Variants in RNF182 observed in about 807,000 individuals in gnomAD.
RNF182 encodes ring finger protein 182.
In RNF182, 15 loss-of-function variants were observed where a neutral mutation model predicts 14.4. The observed-to-expected ratio is 1.04, with a 90% CI of 0.70 to 1.60. The LOEUF is 1.60. Ranked by LOEUF, RNF182 falls within the 40% of genes most tolerant of loss-of-function variation. The pLI is 0.00. For synonymous variants in RNF182, 128 were observed against 122.9 expected (o/e 1.04, Z -0.27); for missense variants, 268 against 294.8 (o/e 0.91, Z 0.67).
At chr6:13,928,653 T>C (rs1758891670) in intron 1 of RNF182, among the ~76,000 whole-genome samples, 1 of 152,248 alleles carries the variant, frequency 6.6e-6, no homozygotes, top group Non-Finnish European at 1.5e-5. Flanking sequence ...AGACATGGTT[T>C]GTTGGATAGT....
intron 1 of RNF182, among the ~76,000 whole-genome samples, chr6:13,932,758 G>A (rs1338687792): frequency 6.6e-6 from 1 of 152,018 alleles, no homozygotes; most frequent in Non-Finnish European, 1.5e-5. Flanking sequence ...TCTTTTAAAC[G>A]TTAAAAACAT....
chr6:13,943,278 C>T (rs983909965), intron 1 of RNF182, among the ~76,000 whole-genome samples: 6 of 151,104 alleles, frequency 4.0e-5, no homozygotes, highest in Non-Finnish European at 8.8e-5. Flanking sequence ...AGAGGTGGTT[C>T]CTGCTTTTTT....
At chr6:13,954,553 TTTAAA>T (rs1187178333) in intron 1 of RNF182, among the ~76,000 whole-genome samples, 2 of 152,206 alleles carry the variant, frequency 1.3e-5, no homozygotes, top group Non-Finnish European at 2.9e-5. Flanking sequence ...TAAATTTAAA[TTTAAA>T]TTAAATTAAA....
chr6:13,969,886 A>G (rs562010158), intron 1 of RNF182, among the ~76,000 whole-genome samples: 74 of 152,194 alleles, frequency 4.9e-4, no homozygotes, highest in Non-Finnish European at 9.9e-4. Context: ...GGAAAAGAAA[A>G]CTTTGTATTT....
chr6:13,934,376 T>G (rs1759052497), intron 1 of RNF182, among the ~76,000 whole-genome samples: 1 of 152,230 alleles, frequency 6.6e-6, no homozygotes, highest in Non-Finnish European at 1.5e-5. Context: ...TCTCCTTTCA[T>G]TCTGTTGGAT....
intron 1 of RNF182, among the ~76,000 whole-genome samples, chr6:13,941,466 C>T (rs1043842412): frequency 6.6e-6 from 1 of 152,048 alleles, no homozygotes; most frequent in Non-Finnish European, 1.5e-5. Context: ...CCGCATATAG[C>T]TGGCTTTTGT....
intron 1 of RNF182, among the ~76,000 whole-genome samples, chr6:13,932,985 T>G (rs1373210986): frequency 6.6e-6 from 1 of 152,166 alleles, no homozygotes; most frequent in Middle Eastern, 3.2e-3. Context: ...CCATATTGAT[T>G]TGAAATTGCT....
intron 1 of RNF182, chr6:13,961,432 C>G (rs913082452): frequency 6.6e-6 from 1 of 152,172 alleles, no homozygotes; most frequent in South Asian, 2.1e-4. Context: ...AGAGCCAGGT[C>G]CCAAATCTCG....
At chr6:13,936,931 G>C (rs1759124577) in intron 1 of RNF182, among the ~76,000 whole-genome samples, 3 of 152,150 alleles carry the variant, frequency 2.0e-5, no homozygotes, top group South Asian at 2.1e-4. Context: ...AATTGGGGAG[G>C]GGGTGGAGTG....
intron 1 of RNF182, among the ~76,000 whole-genome samples, chr6:13,934,908 C>T (rs1165849815): frequency 6.6e-6 from 1 of 152,094 alleles, no homozygotes. Context: ...AGTGCAAAGG[C>T]CCTGAGGCAG....
At chr6:13,945,900 A>G (rs928394401) in intron 1 of RNF182, among the ~76,000 whole-genome samples, 1 of 152,166 alleles carries the variant, frequency 6.6e-6, no homozygotes, top group African/African-American at 2.4e-5. Context: ...TCCACAGAGT[A>G]AAGTGAAAAC....
intron 1 of RNF182, among the ~76,000 whole-genome samples, chr6:13,955,205 A>G (rs1561782750): frequency 6.6e-6 from 1 of 152,226 alleles, no homozygotes; most frequent in Non-Finnish European, 1.5e-5. Context: ...GGGTACAACT[A>G]CGTGCCCATA....
chr6:13,945,855 T>A (rs1344062313), intron 1 of RNF182, among the ~76,000 whole-genome samples: 1 of 152,150 alleles, frequency 6.6e-6, no homozygotes, highest in African/African-American at 2.4e-5. Flanking sequence ...AAGAGAGGGT[T>A]CTTGGATCTT....
Position 13,979,687 on chromosome 6 carries a change from G to A in RNF182, c.*1824G>A, listed in dbSNP as rs1760441974. On this transcript the variant is annotated 3_prime_UTR_variant, in exon 3 of 3. Transcript: ENST00000488300. ...TTTTGTGGTTTGGATTTATATATTT[G>A]TAAGGTTTTTTTAAAAAAATGTTCG... 6.0e-6 allele frequency: 1 copy of A among 166,682 alleles called. No homozygotes were observed. Among genetic ancestry groups the A allele is most frequent in the African/African-American group, 2.4e-5 (1 of 41,416 alleles). 10.3% of individuals were successfully genotyped at this position (166,682 alleles called of 1,614,324 possible).
intron 1 of RNF182, among the ~76,000 whole-genome samples, chr6:13,962,344 G>A (rs1157587155): frequency 6.6e-6 from 1 of 152,192 alleles, no homozygotes; most frequent in East Asian, 1.9e-4. Flanking sequence ...TGGCAAGCAT[G>A]TGTACTTTAT....
intron 1 of RNF182, among the ~76,000 whole-genome samples, chr6:13,967,193 C>T (rs1332356026): frequency 2.6e-5 from 4 of 151,976 alleles, no homozygotes; most frequent in Non-Finnish European, 5.9e-5. Context: ...TGAAAGGATG[C>T]ACATACATCC....
At chr6:13,926,541 C>T (rs532155654) in intron 1 of RNF182, among the ~76,000 whole-genome samples, 23 of 152,180 alleles carry the variant, frequency 1.5e-4, no homozygotes, top group Non-Finnish European at 2.9e-4. Context: ...TGTTTTTAAA[C>T]TGAATTTTAC....
chr6:13,967,132 C>T (rs748026174), intron 1 of RNF182, among the ~76,000 whole-genome samples: 3 of 152,214 alleles, frequency 2.0e-5, no homozygotes, highest in African/African-American at 7.2e-5. Context: ...TACCACATCT[C>T]TGGCAGCTGT....
At chr6:13,947,308 T>C (rs964135668) in intron 1 of RNF182, among the ~76,000 whole-genome samples, 1 of 152,236 alleles carries the variant, frequency 6.6e-6, no homozygotes, top group African/African-American at 2.4e-5. Context: ...AGGTGTACCA[T>C]AGTTTGTGAA....
Sources: gnomAD v4.1 joint callset for allele counts (sites outside exome capture counted in the v4.1 genomes callset) on GRCh38, gnomAD v4.1.1 for gene constraint, MANE v1.5 for transcripts, NCBI Gene and HGNC (gene_info 2026-07-23, HGNC 2026-07-21) for gene names.